RAP1GAP2: variants seen among roughly 807,000 people sequenced by gnomAD.
RAP1GAP2 encodes the protein rap1 GTPase-activating protein 2.
In RAP1GAP2, 27 loss-of-function variants were observed where a neutral mutation model predicts 95.0. The observed-to-expected ratio is 0.28, with a 90% CI of 0.21 to 0.39. The LOEUF is 0.39. Among genes scored for constraint, RAP1GAP2 ranks in the 10% least tolerant of loss-of-function variants. RAP1GAP2 has a pLI of 1.00. For synonymous variants in RAP1GAP2, 373 were observed against 380.9 expected, an observed-to-expected ratio of 0.98 and a Z score of 0.24; for missense variants, 771 against 970.0, an observed-to-expected ratio of 0.79 and a Z score of 2.72.
chr17:2,854,196 T>G, intron 2 of RAP1GAP2: 3 of 968,178 alleles, frequency 3.1e-6, no homozygotes, highest in Non-Finnish European at 3.7e-6. Flanking sequence ...TTTGGTTCCG[T>G]GTTGGTTAGA....
At chr17:2,830,966 T>G (rs2070811873) in intron 2 of RAP1GAP2, among the ~76,000 whole-genome samples, 1 of 90,938 alleles carries the variant, frequency 1.1e-5, no homozygotes, top group Non-Finnish European at 2.2e-5. Flanking sequence ...TCCCCTCCCC[T>G]TCCCTCCCTT....
chr17:2,927,995 T>C (rs950275649), intron 3 of RAP1GAP2, among the ~76,000 whole-genome samples: 2 of 152,146 alleles, frequency 1.3e-5, no homozygotes, highest in Non-Finnish European at 2.9e-5. Flanking sequence ...AAGAGGGACA[T>C]AGCACACACG....
chr17:2,868,648 G>A (rs1215687883), intron 2 of RAP1GAP2, among the ~76,000 whole-genome samples: 8 of 151,448 alleles, frequency 5.3e-5, no homozygotes, highest in African/African-American at 1.9e-4. Context: ...CTCTCGAGTA[G>A]CTGGGATTAC....
chr17:2,924,235 C>G (rs2042881776), intron 3 of RAP1GAP2, among the ~76,000 whole-genome samples: 1 of 152,020 alleles, frequency 6.6e-6, no homozygotes. Flanking sequence ...TTGAGGGGAC[C>G]TGCTGTTCTC....
chr17:2,779,334 G>T (rs548945550), intron 1 of RAP1GAP2, among the ~76,000 whole-genome samples: 1 of 152,290 alleles, frequency 6.6e-6, no homozygotes, highest in South Asian at 2.1e-4. Flanking sequence ...GGCTTCACCC[G>T]GGGTATTTCT....
rs562684235 is a variant in RAP1GAP2 at position 3,004,323 on chromosome 17, G to T, written c.1201-1046G>T. Among the ~76,000 whole-genome samples, 4 of 152,236 alleles carry T rather than the reference G, an allele frequency of 2.6e-5. No homozygotes were observed. The highest frequency in any genetic ancestry group is 7.2e-5 in the African/African-American group (3 of 41,474). ...GTATTGACCAGCTCTCTCCCGCTCC[G>T]TTTCCCCTCCGGACTCTGGCAGGGC... On this transcript the variant is annotated intron_variant, in intron 14 of 24. Transcript: ENST00000254695. The surrounding 1 kb of genome is among the most constrained non-coding windows in gnomAD (Gnocchi z 4.1).
chr17:2,918,362 G>A (rs1489320032), intron 3 of RAP1GAP2, among the ~76,000 whole-genome samples: 1 of 151,094 alleles, frequency 6.6e-6, no homozygotes, highest in Admixed American at 6.6e-5. Context: ...GAACCTGGGA[G>A]GTGGAGGTTG....
At chr17:2,823,025 G>T (rs961160247) in intron 2 of RAP1GAP2, among the ~76,000 whole-genome samples, 4 of 152,130 alleles carry the variant, frequency 2.6e-5, no homozygotes, top group African/African-American at 9.7e-5. Context: ...TGCTTCCTTG[G>T]GGTGAGGCAC....
intron 1 of RAP1GAP2, among the ~76,000 whole-genome samples, chr17:2,765,167 T>G (rs1041994577): frequency 6.6e-6 from 1 of 152,084 alleles, no homozygotes; most frequent in Non-Finnish European, 1.5e-5. Flanking sequence ...TCATAATCTT[T>G]CCTCTCAAAG....
At chr17:2,851,832 C>T (rs1348354429) in intron 2 of RAP1GAP2, among the ~76,000 whole-genome samples, 2 of 152,114 alleles carry the variant, frequency 1.3e-5, no homozygotes, top group East Asian at 1.9e-4. Context: ...CTGCCTGCCT[C>T]GGCCTTCCAA....
chr17:2,941,100 A>G (rs1427339594), intron 3 of RAP1GAP2, among the ~76,000 whole-genome samples: 1 of 152,160 alleles, frequency 6.6e-6, no homozygotes, highest in Non-Finnish European at 1.5e-5. Flanking sequence ...CACCTGATTG[A>G]TGTTTCAAAA....
chr17:2,877,577 A>G (rs1214278854), intron 2 of RAP1GAP2, among the ~76,000 whole-genome samples: 2 of 152,004 alleles, frequency 1.3e-5, no homozygotes, highest in African/African-American at 4.8e-5. Flanking sequence ...GTGAAACCCC[A>G]TCTCTACTAA....
chr17:2,812,191 C>T (rs188619460), intron 2 of RAP1GAP2, among the ~76,000 whole-genome samples: 178 of 152,296 alleles, frequency 1.2e-3, no homozygotes, highest in South Asian at 4.4e-3. Flanking sequence ...CCCAGGTCAT[C>T]CCCAAGAACA....
intron 17 of RAP1GAP2, among the ~76,000 whole-genome samples, chr17:3,012,167 C>T (rs1443182774): frequency 6.6e-6 from 1 of 152,174 alleles, no homozygotes; most frequent in Non-Finnish European, 1.5e-5. Context: ...GGAAGCGTTT[C>T]TCCCATGAGA....
chr17:2,874,345 G>A, intron 2 of RAP1GAP2, among the ~76,000 whole-genome samples: 1 of 152,162 alleles, frequency 6.6e-6, no homozygotes, highest in East Asian at 1.9e-4. Context: ...TGGAATTTCA[G>A]AAAAATTCAT....
chr17:2,869,931 C>T (rs2072773980), intron 2 of RAP1GAP2, among the ~76,000 whole-genome samples: 7 of 152,124 alleles, frequency 4.6e-5, no homozygotes, highest in Admixed American at 4.6e-4. Context: ...GAGTGGAGGG[C>T]TTGAGTTTTG....
At chr17:2,946,946 G>C (rs1319655471) in intron 3 of RAP1GAP2, among the ~76,000 whole-genome samples, 3 of 152,116 alleles carry the variant, frequency 2.0e-5, no homozygotes, top group Non-Finnish European at 4.4e-5. Flanking sequence ...GTAGAAACAG[G>C]GTTTCTCCAT....
At chr17:3,025,088 C>T (rs2047063541) in intron 19 of RAP1GAP2, among the ~76,000 whole-genome samples, 1 of 152,128 alleles carries the variant, frequency 6.6e-6, no homozygotes. Context: ...TTAAAAAGTA[C>T]ATTGACGGCC....
At chr17:2,887,810 G>T (rs1480667431) in intron 2 of RAP1GAP2, among the ~76,000 whole-genome samples, 1 of 151,736 alleles carries the variant, frequency 6.6e-6, no homozygotes, top group Non-Finnish European at 1.5e-5. Flanking sequence ...GAGTACCTGG[G>T]ACTACAGGTG....
Sources: gnomAD v4.1 joint callset for allele counts (sites outside exome capture counted in the v4.1 genomes callset) on GRCh38, gnomAD v4.1.1 for gene constraint, Gnocchi (gnomAD v3.1) non-coding constraint, MANE v1.5 for transcripts, NCBI Gene and HGNC (gene_info 2026-07-23, HGNC 2026-07-21) for gene names.